Variants in COL4A2 observed in about 807,000 individuals in gnomAD.
The protein encoded by COL4A2 is collagen type IV alpha 2 chain, also known as collagen alpha-2(IV) chain.
In COL4A2, 99 loss-of-function variants were observed where a neutral mutation model predicts 200.2. The ratio of observed to expected loss-of-function variants is 0.49; its 90% CI spans 0.42 to 0.58. The LOEUF (loss-of-function observed/expected upper bound fraction) is 0.58, where lower values mean the gene tolerates loss of function less well. Ranked by LOEUF, COL4A2 falls within the 20% of genes least tolerant of loss-of-function variation. The probability of loss-of-function intolerance (pLI) is 0.00; values close to 1 mark genes in which losing one functional copy is unlikely to be tolerated. For missense variants in COL4A2, 1,950 were observed against 2,314.1 expected, an observed-to-expected ratio of 0.84 and a Z score of 3.23; for synonymous variants, 897 against 900.6, an observed-to-expected ratio of 1.00 and a Z score of 0.07.
chr13:110,318,539 A>T (rs1255470705), intron 3 of COL4A2, among the ~76,000 whole-genome samples: 1 of 152,196 alleles, frequency 6.6e-6, no homozygotes. Flanking sequence ...AAATGTCAGG[A>T]CTCAGGCATG....
At chr13:110,471,601 T>C (rs760561050) in intron 28 of COL4A2, among the ~76,000 whole-genome samples, 6 of 152,220 alleles carry the variant, frequency 3.9e-5, no homozygotes, top group Admixed American at 3.3e-4. Flanking sequence ...TGTCTCTTCA[T>C]TGTGAGTAAA....
intron 4 of COL4A2, among the ~76,000 whole-genome samples, chr13:110,397,722 TG>T (rs1879230199): frequency 6.6e-6 from 1 of 152,092 alleles, no homozygotes; most frequent in African/African-American, 2.4e-5. Flanking sequence ...TAGTCCTTTG[TG>T]GGCAGGAAGG....
At chr13:110,440,552 C>A (rs1037728094) in intron 16 of COL4A2, among the ~76,000 whole-genome samples, 1 of 152,010 alleles carries the variant, frequency 6.6e-6, no homozygotes, top group Non-Finnish European at 1.5e-5. Context: ...GCCGAGATCG[C>A]GCCATTGCAC....
At chr13:110,417,067 G>A (rs1270641310) in intron 4 of COL4A2, among the ~76,000 whole-genome samples, 3 of 151,046 alleles carry the variant, frequency 2.0e-5, no homozygotes, top group South Asian at 2.1e-4. Context: ...TGCAAGCTCC[G>A]CCTCCTGGGT....
intron 17 of COL4A2, among the ~76,000 whole-genome samples, chr13:110,446,105 G>T (rs1035714238): frequency 6.6e-6 from 1 of 152,236 alleles, no homozygotes; most frequent in Non-Finnish European, 1.5e-5. Context: ...TCAGGGCCAC[G>T]TAGGGGTGCG....
chr13:110,326,345 C>A (rs1885411820), intron 3 of COL4A2, among the ~76,000 whole-genome samples: 1 of 152,128 alleles, frequency 6.6e-6, no homozygotes, highest in African/African-American at 2.4e-5. Context: ...GAATAAACAC[C>A]CAAAAGGTGC....
intron 22 of COL4A2, among the ~76,000 whole-genome samples, chr13:110,460,675 GT>G (rs1324097411): frequency 6.6e-6 from 1 of 152,244 alleles, no homozygotes; most frequent in East Asian, 1.9e-4. Flanking sequence ...CCACACTGAA[GT>G]GGGAATACCT....
chr13:110,327,452 C>G (rs1445145663), intron 3 of COL4A2, among the ~76,000 whole-genome samples: 2 of 152,240 alleles, frequency 1.3e-5, no homozygotes, highest in African/African-American at 4.8e-5. Context: ...AACCAGCCGT[C>G]CCAGCAGGTC....
rs61036253 is a variant in COL4A2 at position 110,439,071 on chromosome 13, G to A, written c.912+403G>A. On this transcript the variant is annotated intron_variant, in intron 15 of 47. Coordinates refer to ENST00000360467, the MANE Select transcript of COL4A2 (RefSeq NM_001846.4). ...ACTGTCCCAAGAGCCCAACAAAAATGTCCCTAGTCGTAAGGGTCGGGAAGG... is the reference window on the plus strand; with the variant it reads ...ACTGTCCCAAGAGCCCAACAAAAATATCCCTAGTCGTAAGGGTCGGGAAGG... 3.6e-3 allele frequency among the ~76,000 whole-genome samples: 545 copies of A among 152,300 alleles called. 5 individuals carry two copies. Among genetic ancestry groups the A allele is most frequent in the African/African-American group, 0.013 (521 of 41,564 alleles).
rs757270797 is a variant in COL4A2 at position 110,428,420 on chromosome 13, C to G, written c.361-47C>G. On this transcript the variant is annotated intron_variant, in intron 6 of 47. Transcript: ENST00000360467. ...GTTTTATCTCACAGTTACATGACAA[C>G]TAGAAGCCTGCTGGTTGGCTGATTC... 2.0e-5 allele frequency: 23 copies of G among 1,144,490 alleles called. No individual in the cohort carries two copies. The African/African-American group carries it at 2.9e-4, about 14-fold the overall frequency. The allele number at this position is 1,144,490 out of a possible 1,614,324, so 70.9% of individuals were successfully genotyped here. A position where few individuals can be genotyped will look rare whatever the true frequency, so the allele number is the denominator to read the frequency against.
rs954435678 is a variant in COL4A2, at chr13:110,512,421, C to A, written c.*230C>A. The A allele has an allele frequency of 1.6e-5, 11 of 669,882 alleles. No homozygotes were observed. In the African/African-American group the frequency reaches 2.1e-4, roughly 13 times the overall value. The allele number at this position is 669,882 out of a possible 1,614,324, so 41.5% of individuals were successfully genotyped here. The stretch of plus-strand genomic sequence containing the variant: ...CACAGAAAGCCAGGAGCAGCCCTGG[C>A]CCCCATCAGCCCTGCTAGACGCACC... On this transcript the variant is annotated 3_prime_UTR_variant, in exon 48 of 48. Transcript: ENST00000360467.
chr13:110,350,043 G>A (rs140629500), intron 3 of COL4A2, among the ~76,000 whole-genome samples: 2,276 of 152,244 alleles, frequency 0.015, 50 homozygotes, highest in African/African-American at 0.052. Context: ...GCTTACAGGC[G>A]TGAGCCACCA....
chr13:110,439,081 G>A (rs754265679), intron 15 of COL4A2, among the ~76,000 whole-genome samples: 37 of 152,152 alleles, frequency 2.4e-4, no homozygotes, highest in Non-Finnish European at 3.5e-4. Context: ...GTCCCTAGTC[G>A]TAAGGGTCGG....
At chr13:110,312,229 G>C (rs1029511887) in intron 3 of COL4A2, among the ~76,000 whole-genome samples, 2 of 152,150 alleles carry the variant, frequency 1.3e-5, no homozygotes, top group Admixed American at 6.5e-5. Context: ...GTAGGACTTG[G>C]CCACGATAAA....
chr13:110,307,928 G>T lies in COL4A2; in HGVS notation c.25G>T (p.Ala9Ser). The change falls in exon 2 of 48, where the codon GCC becomes TCC. Residue 9 changes from alanine to serine, a missense_variant. This residue lies in a region of COL4A2 where 565 missense variants were observed against 593.5 expected (regional missense o/e 0.95). Coordinates refer to ENST00000360467, the MANE Select transcript of COL4A2 (RefSeq NM_001846.4). This position sits in a 1 kb window ranked among gnomAD's most constrained non-coding sequence, Gnocchi z 5.0. ...CATGGGGAGAGACCAGCGCGCGGTG[G>T]CCGGCCCTGCCCTACGGCGGTAAGC... MGRDQRAVAGPALRRWLLL... is the reference protein window; with the variant it reads MGRDQRAVSGPALRRWLLL... The T allele has an allele frequency of 1.2e-6, 2 of 1,612,878 alleles. No homozygotes were observed. The highest frequency in any genetic ancestry group is 1.7e-6 in the Non-Finnish European group (2 of 1,179,694).
chr13:110,312,891 T>C (rs1435933501), intron 3 of COL4A2, among the ~76,000 whole-genome samples: 1 of 152,200 alleles, frequency 6.6e-6, no homozygotes, highest in Non-Finnish European at 1.5e-5. Context: ...GAGAATGTTG[T>C]GTGGAATGGA....
intron 3 of COL4A2, among the ~76,000 whole-genome samples, chr13:110,337,042 A>G (rs375657435): frequency 1.3e-5 from 2 of 152,192 alleles, no homozygotes; most frequent in African/African-American, 4.8e-5. Context: ...TCAAAGTTCC[A>G]AGGAGAAATG....
intron 4 of COL4A2, among the ~76,000 whole-genome samples, chr13:110,380,913 A>G (rs1458466493): frequency 1.5e-4 from 22 of 144,598 alleles, no homozygotes; most frequent in Admixed American, 1.0e-3. Flanking sequence ...CACATGCTCT[A>G]TCTCACAACC....
Position 110,466,970 on chromosome 13 carries a change from G to A in COL4A2, c.2039-70G>A, listed in dbSNP as rs141090225. 8.3e-4 allele frequency: 1,334 copies of A among 1,600,392 alleles called. 5 individuals are homozygous for A. The African/African-American group carries it at 0.011, about 14-fold the overall frequency. On this transcript the variant is annotated intron_variant, in intron 26 of 47. Transcript: ENST00000360467. Reference sequence around the variant, plus strand: ...GCACAGCTCGTGCTTTTGCCCTTGGGGATCCCCAAGGCCGTGGGACTCAGT... The same window carrying A: ...GCACAGCTCGTGCTTTTGCCCTTGGAGATCCCCAAGGCCGTGGGACTCAGT...
Sources: gnomAD v4.1 joint callset for allele counts (sites outside exome capture counted in the v4.1 genomes callset) on GRCh38, gnomAD v4.1.1 for gene constraint, gnomAD v4.1.1 regional missense constraint, Gnocchi (gnomAD v3.1) non-coding constraint, MANE v1.5 for transcripts, NCBI Gene and HGNC (gene_info 2026-07-23, HGNC 2026-07-21) for gene names.